The following ABCB4 variants were observed in gnomAD, a reference collection of about 807,000 sequenced individuals.
ABCB4 encodes the protein ATP binding cassette subfamily B member 4.
In ABCB4, 76 loss-of-function variants were observed where a neutral mutation model predicts 145.7. The observed-to-expected ratio is 0.52, with a 90% CI of 0.43 to 0.63. The LOEUF (loss-of-function observed/expected upper bound fraction) is 0.63. Among genes scored for constraint, ABCB4 ranks in the 30% least tolerant of loss-of-function variants. The pLI, the probability that ABCB4 is intolerant of heterozygous loss-of-function variation, is 0.00. For synonymous variants in ABCB4, 517 were observed against 566.8 expected (o/e 0.91, Z 1.25); for missense variants, 1,234 against 1,553.1 (o/e 0.79, Z 3.45).
At chr7:87,380,958 C>G in the ABCB4 span, among the ~76,000 whole-genome samples, 4 of 152,324 alleles carry the variant, frequency 2.6e-5, no homozygotes, top group South Asian at 4.1e-4. Flanking sequence ...GCATCTTATA[C>G]TGACCTCCCT....
chr7:87,397,220 A>G (rs1807557995), downstream of ABCB4, among the ~76,000 whole-genome samples: 1 of 152,094 alleles, frequency 6.6e-6, no homozygotes, highest in Admixed American at 6.6e-5. Context: ...GTGTGGTAGC[A>G]CACACCTGTA....
At chr7:87,377,386 G>A in the ABCB4 span, 127 of 1,611,232 alleles carry the variant, frequency 7.9e-5, no homozygotes, top group African/African-American at 1.1e-4. Context: ...CCAACAGTAC[G>A]CTGGGGTGAC....
intron 14 of ABCB4, among the ~76,000 whole-genome samples, chr7:87,434,088 C>T (rs1361916847): frequency 6.7e-6 from 1 of 149,898 alleles, no homozygotes; most frequent in African/African-American, 2.5e-5. Flanking sequence ...ACCACCACAC[C>T]TGGCTAATTT....
chr7:87,433,261 C>T (rs960147091), intron 14 of ABCB4, among the ~76,000 whole-genome samples: 1 of 152,070 alleles, frequency 6.6e-6, no homozygotes, highest in Non-Finnish European at 1.5e-5. Flanking sequence ...AGAGAAACAT[C>T]ACTGGAAAGA....
the ABCB4 span, among the ~76,000 whole-genome samples, chr7:87,376,420 T>C: frequency 1.3e-5 from 2 of 152,096 alleles, no homozygotes; most frequent in Admixed American, 6.5e-5. Flanking sequence ...AACACATTGA[T>C]GTCAGTGACG....
the ABCB4 span, chr7:87,392,859 G>A: frequency 6.2e-7 from 1 of 1,608,462 alleles, no homozygotes; most frequent in African/African-American, 1.3e-5. Flanking sequence ...TTCATCAATT[G>A]GCTTCCTCTT....
At chr7:87,407,506 C>T (rs1445063436) in intron 25 of ABCB4, among the ~76,000 whole-genome samples, 3 of 152,204 alleles carry the variant, frequency 2.0e-5, no homozygotes, top group Non-Finnish European at 4.4e-5. Flanking sequence ...CAAGCATTAT[C>T]AGTAAGAGTT....
the ABCB4 span, among the ~76,000 whole-genome samples, chr7:87,383,099 C>T: frequency 0.86 from 131,623 of 152,188 alleles, 57,102 homozygotes; most frequent in Middle Eastern, 0.94. Flanking sequence ...CCATTTATTA[C>T]GTCTTCGTGT....
downstream of ABCB4, chr7:87,398,792 A>C: frequency 1.4e-6 from 1 of 722,650 alleles, no homozygotes. Context: ...AAATTAGTAG[A>C]ATCATGCTCT....
chr7:87,378,640 C>T, the ABCB4 span, among the ~76,000 whole-genome samples: 1 of 152,190 alleles, frequency 6.6e-6, no homozygotes, highest in Non-Finnish European at 1.5e-5. Context: ...AGGAAATAGT[C>T]AGCTTCTTTG....
chr7:87,475,100 T>C (rs913834168), intron 2 of ABCB4, among the ~76,000 whole-genome samples: 1 of 152,212 alleles, frequency 6.6e-6, no homozygotes, highest in African/African-American at 2.4e-5. Context: ...ATGAATGTTA[T>C]ACAATGCAGA....
the ABCB4 span, among the ~76,000 whole-genome samples, chr7:87,378,216 C>T: frequency 6.6e-6 from 1 of 151,736 alleles, no homozygotes; most frequent in Admixed American, 6.6e-5. Flanking sequence ...TGGTGTTGTG[C>T]GCCTGTGATC....
At chr7:87,401,020 T>A (rs999072656), downstream of ABCB4, among the ~76,000 whole-genome samples, 6 of 152,214 alleles carry the variant, frequency 3.9e-5, no homozygotes, top group African/African-American at 1.4e-4. Context: ...TACGAATAGA[T>A]GCCCCATGAT....
the ABCB4 span, chr7:87,375,627 A>G: frequency 1.2e-6 from 2 of 1,607,786 alleles, no homozygotes; most frequent in Non-Finnish European, 1.7e-6. Context: ...TTCATCTTCC[A>G]TAAGACAACT....
intron 20 of ABCB4, among the ~76,000 whole-genome samples, chr7:87,418,277 G>A (rs1809139286): frequency 6.6e-6 from 1 of 152,218 alleles, no homozygotes; most frequent in East Asian, 1.9e-4. Flanking sequence ...ATTACTATTA[G>A]CAGCCATCCT....
chr7:87,389,988 T>C, the ABCB4 span, among the ~76,000 whole-genome samples: 1 of 152,322 alleles, frequency 6.6e-6, no homozygotes, highest in Admixed American at 6.5e-5. Flanking sequence ...TAAGTCTTTT[T>C]TAAATATGGG....
At chr7:87,373,843 T>C in the ABCB4 span, among the ~76,000 whole-genome samples, 1 of 152,000 alleles carries the variant, frequency 6.6e-6, no homozygotes, top group Non-Finnish European at 1.5e-5. Flanking sequence ...AAATGGTCAA[T>C]GAAAAAGACT....
chr7:87,451,608 CCAGCTTT>C lies in ABCB4; in HGVS notation c.708+8_708+14del. ...CAGGGGTTAACACACATAAAAAGGCCCAGCTTTCACATACCTTTGCCCAAACGGCTGC... is the reference window on the plus strand; with the variant it reads ...CAGGGGTTAACACACATAAAAAGGCCCACATACCTTTGCCCAAACGGCTGC... On this transcript the variant is annotated splice_region_variant and intron_variant, in intron 7 of 27. Transcript: ENST00000649586. 1 of 1,613,996 alleles carries C rather than the reference CCAGCTTT, an allele frequency of 6.2e-7. No individual in the cohort carries two copies. The highest frequency in any genetic ancestry group is 8.5e-7 in the Non-Finnish European group (1 of 1,179,982).
At chr7:87,437,362 T>C (rs45527836) in intron 14 of ABCB4, among the ~76,000 whole-genome samples, 127 of 152,274 alleles carry the variant, frequency 8.3e-4, no homozygotes, top group Admixed American at 2.3e-3. Flanking sequence ...GAGGCCACCA[T>C]GGACCATTTT....
Sources: allele counts gnomAD v4.1 joint callset (sites outside exome capture counted in the v4.1 genomes callset), GRCh38; gene constraint gnomAD v4.1.1; transcripts MANE v1.5; gene names NCBI Gene and HGNC (gene_info 2026-07-23, HGNC 2026-07-21).